The following HERC2 variants were observed in gnomAD, a reference collection of about 807,000 sequenced individuals.
The protein encoded by HERC2 is E3 ubiquitin-protein ligase HERC2.
In HERC2, 102 loss-of-function variants were observed where a neutral mutation model predicts 537.7. The observed-to-expected ratio is 0.19, with a 90% CI of 0.16 to 0.22. The LOEUF is 0.22. Ranked by LOEUF, HERC2 falls within the 10% of genes least tolerant of loss-of-function variation. The probability of loss-of-function intolerance (pLI) is 1.00; values close to 1 mark genes in which losing one functional copy is unlikely to be tolerated. For missense variants in HERC2, 4,236 were observed against 6,198.2 expected (o/e 0.68, Z 10.63); for synonymous variants, 2,224 against 2,466.2 (o/e 0.90, Z 2.91).
intron 41 of HERC2, 47 bp from the exon 42 acceptor site, chr15:28,214,019 G>C: frequency 6.2e-7 from 1 of 1,608,896 alleles, no homozygotes; most frequent in South Asian, 1.1e-5. Flanking sequence ...TCACGGAGCT[G>C]CCCAATCCCT....
chr15:28,274,446 G>A lies in HERC2; in HGVS notation c.645C>T (p.Gly215=), dbSNP rs139608578. Residue 215 remains glycine (G), a splice_region_variant and synonymous_variant, in exon 7 of 93, where the codon GGC becomes GGT. Transcript: ENST00000261609. The part of the protein sequence containing the change: ...FAFLRRAWRS[G]EDADLCSELL... The stretch of plus-strand genomic sequence containing the variant: ...GCTCACTGCAGAGGTCCGCATCCTC[G>A]CCTGGGCGCACACACGCGTCAGAGG... 107 of 1,608,332 alleles carry A rather than the reference G, an allele frequency of 6.7e-5. No individual in the cohort carries two copies. In the African/African-American group the frequency reaches 1.2e-3, roughly 18 times the overall value.
chr15:28,314,994 C>T (rs369988486), intron 2 of HERC2, among the ~76,000 whole-genome samples: 40 of 152,252 alleles, frequency 2.6e-4, no homozygotes, highest in East Asian at 2.1e-3. Context: ...TAAAAGAGCA[C>T]GTACGGCCCA....
intron 3 of HERC2, among the ~76,000 whole-genome samples, chr15:28,295,543 C>G (rs1281855917): frequency 6.6e-6 from 1 of 152,090 alleles, no homozygotes; most frequent in Non-Finnish European, 1.5e-5. Context: ...GGATTACAGG[C>G]GTGCATCACC....
At chr15:28,278,127 T>C (rs1457550779) in intron 5 of HERC2, among the ~76,000 whole-genome samples, 3 of 149,184 alleles carry the variant, frequency 2.0e-5, no homozygotes, top group African/African-American at 7.4e-5. Flanking sequence ...CCAGGTATGG[T>C]GGCTCATGCT....
chr15:28,240,850 G>A (rs1903034805), intron 23 of HERC2, among the ~76,000 whole-genome samples: 1 of 150,156 alleles, frequency 6.7e-6, no homozygotes, highest in Admixed American at 6.6e-5. Flanking sequence ...CACATGTAAA[G>A]AACGGAGGTA....
chr15:28,219,890 C>T (rs1283670338), intron 37 of HERC2, among the ~76,000 whole-genome samples: 3 of 152,206 alleles, frequency 2.0e-5, no homozygotes. Flanking sequence ...CCTGGATCTC[C>T]ACAGATAGGA....
At chr15:28,186,401 T>C (rs960032266) in intron 56 of HERC2, among the ~76,000 whole-genome samples, 176 bp downstream of exon 56, 2 of 152,238 alleles carry the variant, frequency 1.3e-5, no homozygotes, top group Non-Finnish European at 2.9e-5. Context: ...GTTTCTACAT[T>C]AAACACTTTA....
chr15:28,225,023 C>A (rs1900974885), intron 35 of HERC2, among the ~76,000 whole-genome samples: 1 of 152,234 alleles, frequency 6.6e-6, no homozygotes, highest in South Asian at 2.1e-4. Flanking sequence ...TGAAAGTCTG[C>A]ATTTACAAAA....
Position 28,188,775 on chromosome 15 carries a change from C to G in HERC2, c.8650-2023G>C, listed in dbSNP as rs143552086. Among the ~76,000 whole-genome samples the G allele has an allele frequency of 3.7e-4, 56 of 152,112 alleles. 1 individual carries two copies. In the East Asian group the frequency reaches 0.011, roughly 30 times the overall value. Reference sequence around the variant, plus strand: ...GTTTGTGAGGGTTCCAGCATACTTTCTATTTTTGTTTACATGTTAGAAAAA... The same window carrying G: ...GTTTGTGAGGGTTCCAGCATACTTTGTATTTTTGTTTACATGTTAGAAAAA... On this transcript the variant is annotated intron_variant, in intron 55 of 92. Coordinates refer to ENST00000261609, the MANE Select transcript of HERC2 (RefSeq NM_004667.6).
At chr15:28,227,485 CA>C (rs1422815683) in intron 35 of HERC2, among the ~76,000 whole-genome samples, 3 of 141,422 alleles carry the variant, frequency 2.1e-5, no homozygotes, top group East Asian at 2.1e-4. Context: ...AAAAAAAACA[CA>C]AAAAATAGTG....
intron 2 of HERC2, chr15:28,315,872 G>C: frequency 1.0e-5 from 5 of 499,690 alleles, no homozygotes; most frequent in South Asian, 7.0e-5. Context: ...CCACTGTCTA[G>C]AGCTTGTCTC....
intron 69 of HERC2, among the ~76,000 whole-genome samples, chr15:28,160,881 C>T (rs1037051357): frequency 2.0e-5 from 3 of 152,220 alleles, no homozygotes; most frequent in Admixed American, 6.5e-5. Flanking sequence ...GCACCGCCCC[C>T]CGCTCAGCAT....
Position 28,224,166 on chromosome 15 carries a change from C to CACACACACACAGAG in HERC2, c.5465-1952_5465-1951insCTCTGTGTGTGTGT, listed in dbSNP as rs748053596. On this transcript the variant is annotated intron_variant, in intron 35 of 92. Transcript: ENST00000261609. ...ACACACACCCACACACACACACACA[C>CACACACACACAGAG]AGAGAGAGAGAGAAACAGACAGACA... Among the ~76,000 whole-genome samples the CACACACACACAGAG allele has an allele frequency of 3.5e-3, 517 of 147,724 alleles. 4 individuals carry two copies. The highest frequency in any genetic ancestry group is 0.013 in the African/African-American group (487 of 38,810).
At chr15:28,306,211 T>A (rs2076783491) in intron 2 of HERC2, among the ~76,000 whole-genome samples, 1 of 152,246 alleles carries the variant, frequency 6.6e-6, no homozygotes, top group Non-Finnish European at 1.5e-5. Context: ...GTGTCAGCTG[T>A]ATATGGCTTT....
intron 68 of HERC2, among the ~76,000 whole-genome samples, chr15:28,167,204 C>T (rs560446890): frequency 3.3e-5 from 5 of 152,296 alleles, no homozygotes; most frequent in Admixed American, 6.5e-5. Flanking sequence ...AGAAACTTGG[C>T]AGAGACCCTT....
At chr15:28,246,118 A>C in intron 22 of HERC2, 52 bp from the exon 23 acceptor site, 1 of 1,204,668 alleles carries the variant, frequency 8.3e-7, no homozygotes, top group Non-Finnish European at 1.2e-6. Context: ...TATAAAAGCT[A>C]TTTGTAAACT....
chr15:28,163,436 C>G (rs946266112), intron 68 of HERC2, 151 bp from the exon 69 acceptor site: 2 of 652,138 alleles, frequency 3.1e-6, no homozygotes, highest in African/African-American at 3.7e-5. Context: ...GATTAAGAAA[C>G]GACGGCCCCT....
chr15:28,216,279 A>G (rs1347801244), intron 38 of HERC2, among the ~76,000 whole-genome samples: 1 of 152,064 alleles, frequency 6.6e-6, no homozygotes, highest in Admixed American at 6.6e-5. Flanking sequence ...ATATCTCCAC[A>G]ATCTTGCTTA....
At chr15:28,301,780 T>C (rs867327090) in intron 2 of HERC2, among the ~76,000 whole-genome samples, 6 of 107,590 alleles carry the variant, frequency 5.6e-5, no homozygotes, top group African/African-American at 1.6e-4. Flanking sequence ...TATATATATA[T>C]GGGTTATATA....
Sources: allele counts gnomAD v4.1 joint callset (sites outside exome capture counted in the v4.1 genomes callset), GRCh38; gene constraint gnomAD v4.1.1; transcripts MANE v1.5; gene names NCBI Gene and HGNC (gene_info 2026-07-23, HGNC 2026-07-21).